The following MYH3 variants were observed in gnomAD, a reference collection of about 807,000 sequenced individuals.
The protein encoded by MYH3 is myosin-3.
A neutral mutation model predicts 238.0 loss-of-function variants in MYH3; 130 were observed. That is an observed-to-expected ratio of 0.55 (90% confidence interval 0.47 to 0.63). The LOEUF is 0.63. Among genes scored for constraint, MYH3 ranks in the 30% least tolerant of loss-of-function variants. The pLI is 0.00. For synonymous variants in MYH3, 880 were observed against 924.1 expected (o/e 0.95, Z 0.86); for missense variants, 1,853 against 2,374.9 (o/e 0.78, Z 4.57).
chr17:10,646,091 G>A (rs2142411509), intron 10 of MYH3, 59 bp from the exon 11 acceptor site: 1 of 1,417,228 alleles, frequency 7.1e-7, no homozygotes, highest in African/African-American at 1.4e-5. Flanking sequence ...CCCACCCAGT[G>A]GACTTGAGCT....
chr17:10,655,175 A>G, intron 2 of MYH3, 103 bp from the exon 3 acceptor site: 1 of 923,222 alleles, frequency 1.1e-6, no homozygotes. Context: ...CAGCCGCAGG[A>G]GCCCTCAGAG....
chr17:10,632,349 G>T (rs2074171017), intron 34 of MYH3, 127 bp downstream of exon 34: 2 of 1,112,762 alleles, frequency 1.8e-6, no homozygotes, highest in Non-Finnish European at 2.7e-6. Flanking sequence ...AAACTCCTGG[G>T]CTCAAGTGAG....
At position 10,635,820 on chromosome 17, in the gene MYH3, CT is replaced by C; in HGVS notation, c.3889del (p.Ser1297AlafsTer2). The C allele has an allele frequency of 1.9e-6, 3 of 1,614,162 alleles. No homozygotes were observed. The highest frequency in any genetic ancestry group is 2.5e-6 in the Non-Finnish European group (3 of 1,180,030). On this transcript the variant is annotated frameshift_variant, in exon 29 of 41. Coordinates refer to ENST00000583535, the MANE Select transcript of MYH3 (RefSeq NM_002470.4). LOFTEE classifies it high-confidence loss of function. Reference sequence around the variant, plus strand: ...GCTCCTGGAAAGTTGGGATACTATGCTTTCTTTTTCTTCCAGCTGACGACTC... The same window carrying C: ...GCTCCTGGAAAGTTGGGATACTATGCTTCTTTTTCTTCCAGCTGACGACTC... ...ELSRQLEEKE[S>X]IVSQLSRSKQ...
the MYH3 span, chr17:10,672,803 T>C: frequency 6.6e-6 from 1 of 152,350 alleles, no homozygotes; most frequent in East Asian, 1.9e-4. Context: ...TGAGTCATTA[T>C]TACATTGATT....
the MYH3 span, among the ~76,000 whole-genome samples, chr17:10,669,809 G>A: frequency 2.6e-5 from 4 of 152,128 alleles, no homozygotes; most frequent in African/African-American, 4.8e-5. Context: ...TACTCCAGAC[G>A]CTGAGGTGAG....
intron 40 of MYH3, 40 bp downstream of exon 40, chr17:10,629,557 C>T (rs778783927): frequency 2.5e-6 from 4 of 1,610,994 alleles, no homozygotes; most frequent in Non-Finnish European, 3.4e-6. Flanking sequence ...GAAGTTTCTA[C>T]AGTCCCTGGG....
intron 2 of MYH3, among the ~76,000 whole-genome samples, chr17:10,655,398 C>T (rs977237425): frequency 6.6e-6 from 1 of 152,196 alleles, no homozygotes; most frequent in Non-Finnish European, 1.5e-5. Flanking sequence ...GCCTTTTCCG[C>T]TTCTGTGACA....
At chr17:10,669,752 A>C in the MYH3 span, among the ~76,000 whole-genome samples, 1 of 152,018 alleles carries the variant, frequency 6.6e-6, no homozygotes, top group South Asian at 2.1e-4. Flanking sequence ...AAAAATAAAA[A>C]ACAAAAAAAT....
intron 6 of MYH3, among the ~76,000 whole-genome samples, chr17:10,650,056 C>T (rs1246738266): frequency 1.3e-5 from 2 of 152,120 alleles, no homozygotes; most frequent in Non-Finnish European, 2.9e-5. Flanking sequence ...ACTGCAAGCT[C>T]CGGCTCCTGG....
upstream of MYH3, among the ~76,000 whole-genome samples, chr17:10,661,212 G>A (rs959613792): frequency 2.1e-5 from 3 of 145,784 alleles, no homozygotes; most frequent in South Asian, 4.3e-4. Flanking sequence ...CCTGACCTCA[G>A]GTGATCTACC....
rs1207607744 is a variant in MYH3 at position 10,642,909 on chromosome 17, C to T, written c.1498G>A (p.Glu500Lys). ...TCGATGCCTTCCTTCTTGTACTCCT[C>T]CTGCTCCAGCACGAACATGTGGTGG... Reference protein sequence around the residue: ...FNHHMFVLEQEEYKKEGIEWT... With the variant: ...FNHHMFVLEQKEYKKEGIEWT... Residue 500 changes from glutamate (E) to lysine (K), a missense_variant, in exon 15 of 41, where the codon GAG (glutamate) becomes AAG (lysine). Coordinates refer to ENST00000583535, the MANE Select transcript of MYH3 (RefSeq NM_002470.4). This position sits in a 1 kb window ranked among gnomAD's most constrained non-coding sequence, Gnocchi z 5.4. 1 of 1,614,058 alleles carries T rather than the reference C, an allele frequency of 6.2e-7. No homozygotes were observed. Among genetic ancestry groups the T allele is most frequent in the Non-Finnish European group, 8.5e-7 (1 of 1,180,048 alleles).
chr17:10,629,872 G>T lies in MYH3; in HGVS notation c.5628C>A (p.Val1876=). The T allele has an allele frequency of 1.2e-6, 2 of 1,614,140 alleles. No homozygotes were observed. Among genetic ancestry groups the T allele is most frequent in the South Asian group, 2.2e-5 (2 of 91,068 alleles). Residue 1876 remains valine, a synonymous_variant, in exon 39 of 41, where the codon GTC becomes GTA. Coordinates refer to ENST00000583535, the MANE Select transcript of MYH3 (RefSeq NM_002470.4). The part of the protein sequence containing the change: ...QDLVDKLQVK[V]KSYKRQAEEA... The stretch of plus-strand genomic sequence containing the variant: ...CCTCCGCCTGCCTCTTGTAGGACTT[G>T]ACTTTCACTTGCAGTTTATCCACCA...
rs1445491340 is a variant in MYH3, at chr17:10,632,122, TTTTGTTTTG to T, written c.4957-115_4957-107del. On this transcript the variant is annotated intron_variant, in intron 34 of 40. Coordinates refer to ENST00000583535, the MANE Select transcript of MYH3 (RefSeq NM_002470.4). ...TGTTTGTTTGTTTGTTTTTGTTTTG[TTTTGTTTTG>T]TTTGTTTTGAGACAGGGTCTTGTTC... The T allele has an allele frequency of 1.2e-4, 166 of 1,366,600 alleles. 1 individual carries two copies. Among genetic ancestry groups the T allele is most frequent in the South Asian group, 9.0e-4 (71 of 79,222 alleles). The allele number at this position is 1,366,600 out of a possible 1,614,324, so 84.7% of individuals were successfully genotyped here.
chr17:10,671,880 G>A, the MYH3 span, among the ~76,000 whole-genome samples: 1 of 152,120 alleles, frequency 6.6e-6, no homozygotes, highest in Non-Finnish European at 1.5e-5. Context: ...TAATCCCAGG[G>A]TGGGAACACC....
At chr17:10,658,798 C>T (rs1290192685), upstream of MYH3, 1 of 152,258 alleles carries the variant, frequency 6.6e-6, no homozygotes, top group African/African-American at 2.4e-5. Context: ...TGGAGCCCCT[C>T]CTCATCCAAG....
chr17:10,653,989 G>T (rs1250368479), intron 3 of MYH3, among the ~76,000 whole-genome samples: 3 of 151,966 alleles, frequency 2.0e-5, no homozygotes, highest in Non-Finnish European at 4.4e-5. Context: ...ACCGAGTCTT[G>T]CTCTGTCTCC....
the MYH3 span, among the ~76,000 whole-genome samples, chr17:10,667,680 TA>T: frequency 0.39 from 43,662 of 111,464 alleles, 9,313 homozygotes; most frequent in East Asian, 0.64. Flanking sequence ...AGACTCTGTC[TA>T]AAAAAAAAAA....
In MYH3 at chr17:10,639,991, C is replaced by T. The variant is rs1458555564; in HGVS notation, c.2682+5G>A. ...AAAAAAAAAAAAAGATTGCTAAACA[C>T]GTACAGCTTGTACTTGGAGCTGCAG... On this transcript the variant is annotated splice_donor_5th_base_variant and intron_variant, in intron 22 of 40. Coordinates refer to ENST00000583535, the MANE Select transcript of MYH3 (RefSeq NM_002470.4). 4 of 1,613,194 alleles carry T rather than the reference C, an allele frequency of 2.5e-6. No homozygotes were observed. The highest frequency in any genetic ancestry group is 1.3e-5 in the African/African-American group (1 of 74,844).
At chr17:10,665,732 A>G in the MYH3 span, among the ~76,000 whole-genome samples, 3 of 152,242 alleles carry the variant, frequency 2.0e-5, no homozygotes, top group African/African-American at 7.2e-5. Context: ...TGCAGTCCCA[A>G]TAAAAATACC....
Sources: gnomAD v4.1 joint callset for allele counts (sites outside exome capture counted in the v4.1 genomes callset) on GRCh38, gnomAD v4.1.1 for gene constraint, Gnocchi (gnomAD v3.1) non-coding constraint, MANE v1.5 for transcripts, NCBI Gene and HGNC (gene_info 2026-07-23, HGNC 2026-07-21) for gene names.